The following EPHA6 variants were observed in gnomAD, a reference collection of about 807,000 sequenced individuals.
EPHA6 encodes the protein EPH receptor A6.
A neutral mutation model predicts 112.0 loss-of-function variants in EPHA6; 50 were observed. The ratio of observed to expected loss-of-function variants is 0.45; its 90% confidence interval spans 0.36 to 0.56. EPHA6 has a LOEUF of 0.56. Ranked by LOEUF, EPHA6 falls within the 20% of genes least tolerant of loss-of-function variation. The probability of loss-of-function intolerance (pLI) is 0.00; values close to 1 mark genes in which losing one functional copy is unlikely to be tolerated. For synonymous variants in EPHA6, 529 were observed against 490.7 expected (o/e 1.08, Z -1.03); for missense variants, 1,280 against 1,417.4 (o/e 0.90, Z 1.56).
intron 3 of EPHA6, among the ~76,000 whole-genome samples, chr3:97,041,698 T>G (rs1294650492): frequency 1.3e-5 from 2 of 151,998 alleles, no homozygotes; most frequent in East Asian, 1.9e-4. Context: ...TCAGGAAGCA[T>G]AGCTGGGAGG....
rs553592431 is a variant in EPHA6, at chr3:97,637,734, T to C, written c.2575-139T>C. 1.3e-5 allele frequency: 8 copies of C among 634,314 alleles called. No homozygotes were observed. The South Asian group carries it at 1.5e-4, about 12-fold the overall frequency. The allele number at this position is 634,314 out of a possible 1,614,324, so 39.3% of individuals were successfully genotyped here. A position where few individuals can be genotyped will look rare whatever the true frequency, so the allele number is the denominator to read the frequency against. On this transcript the variant is annotated intron_variant, in intron 13 of 17. Transcript: ENST00000389672. ...TCAAACAAATTATTACTTTTCCTTA[T>C]GAATATAGTCAGTGATCACCAAAGT...
intron 10 of EPHA6, among the ~76,000 whole-genome samples, chr3:97,490,439 CAG>C (rs1337094356): frequency 1.3e-5 from 2 of 152,006 alleles, no homozygotes; most frequent in African/African-American, 4.8e-5. Context: ...GTTTATGTAA[CAG>C]GGGAAGTAAT....
At chr3:97,480,925 G>A (rs1356276709) in intron 9 of EPHA6, among the ~76,000 whole-genome samples, 20 of 151,364 alleles carry the variant, frequency 1.3e-4, no homozygotes, top group Non-Finnish European at 2.7e-4. Context: ...ATGGGCGGCC[G>A]GGCAAAGACG....
intron 2 of EPHA6, among the ~76,000 whole-genome samples, chr3:96,940,885 T>C (rs1291707301): frequency 6.6e-6 from 1 of 152,216 alleles, no homozygotes; most frequent in African/African-American, 2.4e-5. Flanking sequence ...TATGAAATTC[T>C]GGGTTGAAAA....
chr3:97,142,111 T>C (rs998254559), intron 3 of EPHA6, among the ~76,000 whole-genome samples: 7 of 152,020 alleles, frequency 4.6e-5, no homozygotes, highest in Admixed American at 6.6e-5. Flanking sequence ...AGTCAAATCC[T>C]AGAAAACAGC....
At chr3:97,522,469 T>A (rs951846093) in intron 10 of EPHA6, among the ~76,000 whole-genome samples, 1 of 152,198 alleles carries the variant, frequency 6.6e-6, no homozygotes, top group Admixed American at 6.5e-5. Context: ...GTTGAGTATT[T>A]TTTCATCTAC....
At chr3:96,871,172 A>G (rs1399266829) in intron 2 of EPHA6, among the ~76,000 whole-genome samples, 1 of 152,018 alleles carries the variant, frequency 6.6e-6, no homozygotes, top group African/African-American at 2.4e-5. Context: ...AAAGAAATGC[A>G]TTAGGTTTTG....
chr3:96,825,911 G>A (rs2318159), intron 1 of EPHA6, among the ~76,000 whole-genome samples: 40,496 of 151,448 alleles, frequency 0.27, 9,394 homozygotes, highest in African/African-American at 0.61. Flanking sequence ...AGATATTTTG[G>A]TAAAAATGAT....
At chr3:97,664,794 A>G (rs1223663545) in intron 14 of EPHA6, among the ~76,000 whole-genome samples, 1 of 152,214 alleles carries the variant, frequency 6.6e-6, no homozygotes, top group South Asian at 2.1e-4. Context: ...AAGGAGAACT[A>G]CAAACCACTG....
At chr3:96,957,696 CT>C (rs2041812228) in intron 2 of EPHA6, among the ~76,000 whole-genome samples, 1 of 152,130 alleles carries the variant, frequency 6.6e-6, no homozygotes, top group Non-Finnish European at 1.5e-5. Flanking sequence ...TAATTTAATT[CT>C]GTTAATTTTT....
intron 3 of EPHA6, among the ~76,000 whole-genome samples, chr3:97,081,209 A>G (rs1333678254): frequency 6.6e-6 from 1 of 151,994 alleles, no homozygotes; most frequent in African/African-American, 2.4e-5. Context: ...GTCTATTGAA[A>G]TTAGGCAGGA....
chr3:97,423,877 A>T (rs903642629), intron 6 of EPHA6, among the ~76,000 whole-genome samples: 2 of 152,210 alleles, frequency 1.3e-5, no homozygotes, highest in African/African-American at 4.8e-5. Context: ...TCTTCTACAA[A>T]GTCAACAAAA....
chr3:97,520,299 C>T lies in EPHA6; in HGVS notation c.2201-12059C>T, dbSNP rs1364525105. 6.6e-5 allele frequency among the ~76,000 whole-genome samples: 10 copies of T among 152,218 alleles called. No individual in the cohort carries two copies. The South Asian group carries it at 1.7e-3, about 25-fold the overall frequency. On this transcript the variant is annotated intron_variant, in intron 10 of 17. Coordinates refer to ENST00000389672, the MANE Select transcript of EPHA6 (RefSeq NM_001080448.3). ...TAGTAATTGAGACCTTTCTCTTCTA[C>T]CAGTGGGTTTTATACGTTCATGTGT...
chr3:96,972,729 G>C (rs985155465), intron 2 of EPHA6, among the ~76,000 whole-genome samples: 4 of 152,014 alleles, frequency 2.6e-5, no homozygotes, highest in African/African-American at 9.7e-5. Context: ...CTTTTGCTAT[G>C]TTTTGAGTAT....
In EPHA6 at chr3:96,987,872, G is replaced by A. The variant is rs773246173; in HGVS notation, c.993G>A (p.Val331=). Residue 331 remains valine (V), a synonymous_variant, in exon 3 of 18, where the codon GTG becomes GTA. Coordinates refer to ENST00000389672, the MANE Select transcript of EPHA6 (RefSeq NM_001080448.3). ...SSLVEVRGSC[V]KSAEERDTPK... is the part of the protein sequence containing the mutation. ...TGGTTGAAGTACGGGGTTCTTGTGT[G>A]AAGAGTGCTGAAGAGCGTGACACTC... The A allele has an allele frequency of 6.2e-7, 1 of 1,613,900 alleles. No homozygotes were observed. The highest frequency in any genetic ancestry group is 1.1e-5 in the South Asian group (1 of 91,078).
chr3:97,285,240 A>C (rs1559851899), intron 5 of EPHA6, among the ~76,000 whole-genome samples: 1 of 152,144 alleles, frequency 6.6e-6, no homozygotes, highest in Non-Finnish European at 1.5e-5. Context: ...TTTGTAAGAT[A>C]TTTTGTTTGG....
chr3:97,257,155 C>T (rs1237734510), intron 5 of EPHA6, among the ~76,000 whole-genome samples: 1 of 151,510 alleles, frequency 6.6e-6, no homozygotes, highest in Non-Finnish European at 1.5e-5. Flanking sequence ...GGAAAATACC[C>T]TAAAACAAAT....
At chr3:96,994,759 A>AGAGAGAGAGAGAGC (rs763682996) in intron 3 of EPHA6, among the ~76,000 whole-genome samples, 2,411 of 115,654 alleles carry the variant, frequency 0.021, 92 homozygotes, top group African/African-American at 0.037. Flanking sequence ...AGAGAGAGAG[A>AGAGAGAGAGAGAGC]GAGCTATATA....
chr3:97,174,565 G>A (rs902197349), intron 3 of EPHA6, among the ~76,000 whole-genome samples: 2 of 151,582 alleles, frequency 1.3e-5, no homozygotes, highest in African/African-American at 4.8e-5. Flanking sequence ...ATTTGTTATT[G>A]CTTGTCTTTT....
Sources: allele counts gnomAD v4.1 joint callset (sites outside exome capture counted in the v4.1 genomes callset), GRCh38; gene constraint gnomAD v4.1.1; transcripts MANE v1.5; gene names NCBI Gene and HGNC (gene_info 2026-07-23, HGNC 2026-07-21).